Variants in HS6ST3 observed in about 807,000 individuals in gnomAD.
HS6ST3 encodes the protein heparan sulfate 6-O-sulfotransferase 3, also known as heparan-sulfate 6-O-sulfotransferase 3.
HS6ST3 carries 12 observed loss-of-function variants against 36.7 expected under a neutral mutation model. That is an observed-to-expected ratio of 0.33 (90% CI 0.21 to 0.53). HS6ST3 has a LOEUF of 0.53. Ranked by LOEUF, HS6ST3 falls within the 20% of genes least tolerant of loss-of-function variation. The pLI is 0.95. For missense variants in HS6ST3, 584 were observed against 640.9 expected, an observed-to-expected ratio of 0.91 and a Z score of 0.96; for synonymous variants, 240 against 257.5, an observed-to-expected ratio of 0.93 and a Z score of 0.65.
intron 1 of HS6ST3, among the ~76,000 whole-genome samples, chr13:96,317,384 A>AAAAT (rs1228219933): frequency 2.6e-5 from 3 of 115,818 alleles, no homozygotes; most frequent in South Asian, 2.8e-4. Flanking sequence ...ATATATATAT[A>AAAAT]TATATATATA....
chr13:96,229,126 AAATT>A (rs746084540), intron 1 of HS6ST3, among the ~76,000 whole-genome samples: 8 of 152,212 alleles, frequency 5.3e-5, no homozygotes, highest in Non-Finnish European at 1.2e-4. Context: ...CCAAAAAGTG[AAATT>A]AATTATATAC....
At chr13:96,593,899 A>G (rs1040418544) in intron 1 of HS6ST3, among the ~76,000 whole-genome samples, 1 of 150,690 alleles carries the variant, frequency 6.6e-6, no homozygotes, top group Admixed American at 6.6e-5. Context: ...TTTCACCTTT[A>G]GTCTATGCAT....
intron 1 of HS6ST3, among the ~76,000 whole-genome samples, chr13:96,547,671 T>C (rs1352673482): frequency 6.6e-6 from 1 of 152,194 alleles, no homozygotes; most frequent in Non-Finnish European, 1.5e-5. Context: ...ATAGTGTCAC[T>C]GCTTTATCTG....
At chr13:96,458,970 G>T (rs536532216) in intron 1 of HS6ST3, among the ~76,000 whole-genome samples, 1 of 151,918 alleles carries the variant, frequency 6.6e-6, no homozygotes, top group African/African-American at 2.4e-5. Context: ...TGGGCATGGT[G>T]GCATGCTCCT....
intron 1 of HS6ST3, among the ~76,000 whole-genome samples, chr13:96,652,595 C>CTA (rs1219651577): frequency 3.9e-5 from 6 of 152,030 alleles, no homozygotes; most frequent in African/African-American, 1.4e-4. Flanking sequence ...ATATACAGCC[C>CTA]TATGATTTGA....
chr13:96,379,424 C>T (rs1024905735), intron 1 of HS6ST3, among the ~76,000 whole-genome samples: 6 of 152,176 alleles, frequency 3.9e-5, no homozygotes, highest in Admixed American at 3.3e-4. Flanking sequence ...AAGGTGCCAT[C>T]TATGAACCAG....
intron 1 of HS6ST3, among the ~76,000 whole-genome samples, chr13:96,224,870 C>T (rs1176668736): frequency 6.6e-6 from 1 of 152,142 alleles, no homozygotes; most frequent in Non-Finnish European, 1.5e-5. Flanking sequence ...CCATCCATTA[C>T]TTTGATTTCT....
At chr13:96,816,282 C>G (rs1375205765) in intron 1 of HS6ST3, among the ~76,000 whole-genome samples, 1 of 152,180 alleles carries the variant, frequency 6.6e-6, no homozygotes, top group Non-Finnish European at 1.5e-5. Flanking sequence ...ATGACTGAGG[C>G]AAATTAAGAG....
intron 1 of HS6ST3, among the ~76,000 whole-genome samples, chr13:96,598,149 A>G (rs2056408697): frequency 1.3e-5 from 2 of 152,088 alleles, no homozygotes; most frequent in African/African-American, 4.8e-5. Context: ...TGCTTTGGCT[A>G]TTAGAGCTGT....
chr13:96,542,876 T>C (rs1266532917), intron 1 of HS6ST3, among the ~76,000 whole-genome samples: 1 of 152,194 alleles, frequency 6.6e-6, no homozygotes, highest in Non-Finnish European at 1.5e-5. Context: ...TAGCCAAATG[T>C]GGTAACTGAG....
At chr13:96,206,163 C>A (rs892853424) in intron 1 of HS6ST3, among the ~76,000 whole-genome samples, 1 of 151,978 alleles carries the variant, frequency 6.6e-6, no homozygotes, top group African/African-American at 2.4e-5. Flanking sequence ...TTCCTAACAC[C>A]AACAACAGGC....
intron 1 of HS6ST3, among the ~76,000 whole-genome samples, chr13:96,108,310 A>C (rs1487810823): frequency 6.6e-6 from 1 of 152,168 alleles, no homozygotes; most frequent in Non-Finnish European, 1.5e-5. Flanking sequence ...AGCCTGGCGA[A>C]TTCTAGTCAG....
intron 1 of HS6ST3, among the ~76,000 whole-genome samples, chr13:96,746,575 A>G (rs971674567): frequency 2.0e-5 from 3 of 152,084 alleles, no homozygotes; most frequent in African/African-American, 7.2e-5. Flanking sequence ...TTGCATTTTA[A>G]GAATAACATG....
At chr13:96,237,865 TCTCA>T (rs1483357215) in intron 1 of HS6ST3, among the ~76,000 whole-genome samples, 1 of 152,200 alleles carries the variant, frequency 6.6e-6, no homozygotes, top group Non-Finnish European at 1.5e-5. Flanking sequence ...TTTCTTCATA[TCTCA>T]CTCGATGACT....
intron 1 of HS6ST3, among the ~76,000 whole-genome samples, chr13:96,313,032 C>CT (rs969505989): frequency 2.0e-5 from 3 of 149,720 alleles, no homozygotes; most frequent in Non-Finnish European, 4.4e-5. Context: ...TAGTTATCCT[C>CT]TTTTTCAGTA....
Position 96,575,668 on chromosome 13 carries a change from A to C in HS6ST3, c.708-256822A>C, listed in dbSNP as rs149852448. Among the ~76,000 whole-genome samples the C allele has an allele frequency of 8.1e-4, 124 of 152,338 alleles. 2 individuals carry two copies. The highest frequency in any genetic ancestry group is 2.9e-3 in the African/African-American group (119 of 41,578). ...TTCACCCCACCAGGGCAAATTTCCAAATAGCTTGTTTTAATCTAGGCAATT... is the reference window on the plus strand; with the variant it reads ...TTCACCCCACCAGGGCAAATTTCCACATAGCTTGTTTTAATCTAGGCAATT... On this transcript the variant is annotated intron_variant, in intron 1 of 1. Transcript: ENST00000376705.
intron 1 of HS6ST3, among the ~76,000 whole-genome samples, chr13:96,710,378 C>T (rs1875531805): frequency 6.6e-6 from 1 of 152,222 alleles, no homozygotes. Flanking sequence ...GCCTGCATCC[C>T]ACACCCAACA....
intron 1 of HS6ST3, among the ~76,000 whole-genome samples, chr13:96,822,216 G>C (rs1878549794): frequency 6.6e-6 from 1 of 152,174 alleles, no homozygotes; most frequent in South Asian, 2.1e-4. Context: ...GCGGCTCCAG[G>C]CTTCAGGTGG....
At chr13:96,224,629 T>C (rs898236901) in intron 1 of HS6ST3, among the ~76,000 whole-genome samples, 2 of 152,246 alleles carry the variant, frequency 1.3e-5, no homozygotes, top group Admixed American at 1.3e-4. Flanking sequence ...TGTCACCTTT[T>C]AGAAATTAAC....
Sources: allele counts gnomAD v4.1 joint callset (sites outside exome capture counted in the v4.1 genomes callset), GRCh38; gene constraint gnomAD v4.1.1; transcripts MANE v1.5; gene names NCBI Gene and HGNC (gene_info 2026-07-23, HGNC 2026-07-21).